Variants in MYO1H observed in about 807,000 individuals in gnomAD.
MYO1H encodes the protein myosin IH, also known as unconventional myosin-Ih.
Under a neutral mutation model 149.3 loss-of-function variants are expected in MYO1H, and 118 were observed. That is an observed-to-expected ratio of 0.79 (90% confidence interval 0.68 to 0.92). The LOEUF is 0.92. Among genes scored for constraint, MYO1H ranks in the 40% least tolerant of loss-of-function variants. The pLI is 0.00. For missense variants in MYO1H, 1,212 were observed against 1,280.7 expected (o/e 0.95, Z 0.82); for synonymous variants, 447 against 465.2 (o/e 0.96, Z 0.50).
intron 19 of MYO1H, among the ~76,000 whole-genome samples, chr12:109,431,518 C>T (rs949512724): frequency 1.6e-4 from 24 of 152,086 alleles, no homozygotes; most frequent in Non-Finnish European, 5.9e-5. Flanking sequence ...CATGAGAACC[C>T]CATGAGGAAG....
At chr12:109,338,595 T>G in the MYO1H span, among the ~76,000 whole-genome samples, 1 of 151,208 alleles carries the variant, frequency 6.6e-6, no homozygotes, top group Admixed American at 6.6e-5. Context: ...TGGTGAAACC[T>G]TGTCTCTACT....
rs1360200452 is a variant in MYO1H, at chr12:109,406,042, C to T, written c.963+7C>T. 6.3e-7 allele frequency: 1 copy of T among 1,596,196 alleles called. No homozygotes were observed. Among genetic ancestry groups the T allele is most frequent in the African/African-American group, 1.3e-5 (1 of 74,514 alleles). On this transcript the variant is annotated splice_region_variant and intron_variant, in intron 8 of 31. Transcript: ENST00000310903. ...GATCAAGTGGATAGCCAAGGTGATGCTCCTCTTTTGGAGAGGACAGAAGGA... is the reference window on the plus strand; with the variant it reads ...GATCAAGTGGATAGCCAAGGTGATGTTCCTCTTTTGGAGAGGACAGAAGGA...
At chr12:109,446,327 A>AG in intron 31 of MYO1H, 1 of 984,814 alleles carries the variant, frequency 1.0e-6, no homozygotes, top group African/African-American at 1.8e-5. Flanking sequence ...TTTGCTGAAA[A>AG]CGACATGTTA....
At chr12:109,398,405 A>G (rs889511726) in intron 5 of MYO1H, among the ~76,000 whole-genome samples, 4 of 152,192 alleles carry the variant, frequency 2.6e-5, no homozygotes, top group African/African-American at 9.7e-5. Context: ...GGTCTTGGGA[A>G]CATACTGTAT....
intron 14 of MYO1H, among the ~76,000 whole-genome samples, chr12:109,413,441 G>A (rs1240248622): frequency 6.6e-6 from 1 of 152,178 alleles, no homozygotes; most frequent in Non-Finnish European, 1.5e-5. Context: ...CAGACCTGTT[G>A]TAGAATACTG....
At chr12:109,397,859 C>G in intron 5 of MYO1H, 47 bp downstream of exon 5, 1 of 1,458,892 alleles carries the variant, frequency 6.9e-7, no homozygotes, top group African/African-American at 1.4e-5. Context: ...CCTTATTTTG[C>G]CAGTGACGGA....
At chr12:109,373,133 A>G (rs1027060611) in intron 1 of MYO1H, among the ~76,000 whole-genome samples, 1 of 152,082 alleles carries the variant, frequency 6.6e-6, no homozygotes, top group Non-Finnish European at 1.5e-5. Flanking sequence ...TATCATATAT[A>G]ATGTTTGGAT....
chr12:109,335,875 T>C, the MYO1H span, among the ~76,000 whole-genome samples: 54,254 of 152,120 alleles, frequency 0.36, 10,254 homozygotes, highest in Admixed American at 0.46. Context: ...AAAAATGTGT[T>C]TGTCTTATAT....
the MYO1H span, among the ~76,000 whole-genome samples, chr12:109,331,546 C>A: frequency 6.6e-6 from 1 of 152,238 alleles, no homozygotes; most frequent in African/African-American, 2.4e-5. Flanking sequence ...CTGGGCCCTC[C>A]TCGGAGCCAA....
chr12:109,441,740 T>C, intron 26 of MYO1H, 32 bp downstream of exon 26: 1 of 1,514,850 alleles, frequency 6.6e-7, no homozygotes, highest in African/African-American at 1.4e-5. Context: ...TGTACTTGGC[T>C]TTCCAATTCT....
intron 15 of MYO1H, 48 bp downstream of exon 15, chr12:109,415,668 G>T (rs755130615): frequency 1.4e-5 from 19 of 1,381,788 alleles, no homozygotes; most frequent in Non-Finnish European, 1.7e-5. Context: ...TGCCCAGCCT[G>T]GTGTCTTACA....
the MYO1H span, among the ~76,000 whole-genome samples, chr12:109,329,553 C>G: frequency 6.6e-6 from 1 of 152,084 alleles, no homozygotes; most frequent in South Asian, 2.1e-4. Context: ...TGTGAGCTAG[C>G]CTTTTGTTAC....
chr12:109,407,944 T>C, intron 10 of MYO1H, 31 bp downstream of exon 10: 2 of 1,604,646 alleles, frequency 1.2e-6, no homozygotes, highest in Non-Finnish European at 8.5e-7. Flanking sequence ...TCCCTTGCTC[T>C]TGCTCACGTG....
intron 15 of MYO1H, among the ~76,000 whole-genome samples, chr12:109,416,379 G>GTTT (rs397968119): frequency 3.1e-4 from 45 of 143,136 alleles, no homozygotes; most frequent in African/African-American, 1.1e-3. Context: ...GTTGTTGTTG[G>GTTT]TTTTTTTTTT....
At chr12:109,419,807 C>T (rs2217972) in intron 15 of MYO1H, among the ~76,000 whole-genome samples, 39,395 of 151,488 alleles carry the variant, frequency 0.26, 5,305 homozygotes, top group East Asian at 0.36. Flanking sequence ...GCTATCCTCC[C>T]ACCTCAGCCT....
chr12:109,347,966 A>C, exon 1 of MYO1H: 1 of 399,058 alleles, frequency 2.5e-6, no homozygotes, highest in Non-Finnish European at 4.4e-6. Flanking sequence ...GCGTGATGGA[A>C]TCCAAGGTAA....
intron 1 of MYO1H, among the ~76,000 whole-genome samples, chr12:109,378,867 T>C (rs539449108): frequency 6.6e-6 from 1 of 152,292 alleles, no homozygotes; most frequent in East Asian, 1.9e-4. Context: ...TACTTTTTTC[T>C]CTTTTAAAAT....
intron 1 of MYO1H, among the ~76,000 whole-genome samples, chr12:109,353,705 G>A (rs983342118): frequency 2.0e-5 from 3 of 152,120 alleles, no homozygotes; most frequent in Admixed American, 2.0e-4. Context: ...AGGCTGGAGT[G>A]CAGTGGCACC....
At chr12:109,405,660 TTTG>T (rs1339629462) in intron 7 of MYO1H, among the ~76,000 whole-genome samples, 2 of 152,208 alleles carry the variant, frequency 1.3e-5, no homozygotes, top group African/African-American at 2.4e-5. Context: ...CATTTATGTA[TTTG>T]TTGTTGTTAT....
Sources: gnomAD v4.1 joint callset for allele counts (sites outside exome capture counted in the v4.1 genomes callset) on GRCh38, gnomAD v4.1.1 for gene constraint, MANE v1.5 for transcripts, NCBI Gene and HGNC (gene_info 2026-07-23, HGNC 2026-07-21) for gene names.